The following NFX1 variants were observed in gnomAD, a reference collection of about 807,000 sequenced individuals.
NFX1 encodes nuclear transcription factor, X-box binding 1.
A neutral mutation model predicts 137.2 loss-of-function variants in NFX1; 69 were observed. The observed-to-expected ratio is 0.50, with a 90% CI of 0.41 to 0.61. The LOEUF is 0.61. Among genes scored for constraint, NFX1 ranks in the 20% least tolerant of loss-of-function variants. NFX1 has a pLI of 0.00. For missense variants in NFX1, 1,167 were observed against 1,391.0 expected (o/e 0.84, Z 2.56); for synonymous variants, 495 against 474.1 (o/e 1.04, Z -0.57).
chr9:33,344,011 G>A, intron 13 of NFX1, 58 bp from the exon 14 acceptor site: 1 of 1,609,212 alleles, frequency 6.2e-7, no homozygotes, highest in African/African-American at 1.3e-5. Context: ...GTGTTAGTAT[G>A]TACTTGCACA....
chr9:33,365,359 G>T (rs1043052725), intron 21 of NFX1: 1 of 152,124 alleles, frequency 6.6e-6, no homozygotes, highest in Admixed American at 6.6e-5. Context: ...TAATCCCAGC[G>T]CTTTGGGAGG....
At chr9:33,322,678 GCTA>G (rs1395056383) in intron 9 of NFX1, among the ~76,000 whole-genome samples, 4 of 152,140 alleles carry the variant, frequency 2.6e-5, no homozygotes, top group Non-Finnish European at 4.4e-5. Flanking sequence ...AAGGCAAGAG[GCTA>G]CTATCCCACC....
chr9:33,350,046 G>A (rs994879309), intron 15 of NFX1, among the ~76,000 whole-genome samples: 13 of 152,102 alleles, frequency 8.5e-5, no homozygotes, highest in South Asian at 4.1e-4. Context: ...TCTCATGCCT[G>A]TAATCCCAAC....
intron 10 of NFX1, among the ~76,000 whole-genome samples, chr9:33,329,318 A>G (rs1467958049): frequency 6.6e-6 from 1 of 152,192 alleles, no homozygotes; most frequent in East Asian, 1.9e-4. Flanking sequence ...CTATTGTGCA[A>G]TCATAGTTGA....
chr9:33,329,366 G>A (rs1056258758), intron 10 of NFX1, among the ~76,000 whole-genome samples: 4 of 152,086 alleles, frequency 2.6e-5, no homozygotes, highest in African/African-American at 4.8e-5. Context: ...AGTCTCTCCC[G>A]AGGTGTACCG....
intron 21 of NFX1, 64 bp downstream of exon 21, chr9:33,364,838 A>G (rs770476536): frequency 5.7e-6 from 9 of 1,592,040 alleles, no homozygotes; most frequent in African/African-American, 5.4e-5. Context: ...AAAAAAAGCA[A>G]TCAAGTCCTG....
At position 33,294,879 on chromosome 9, in the gene NFX1, A is replaced by T. The variant is rs2118165518; in HGVS notation, c.485A>T (p.Asp162Val). ...AGTGAGAAGGAAGTTGTGGGTGCAG[A>T]TCCCAGGGGAGCAAAACCCAAAAAA... is the stretch of plus-strand genomic sequence containing the variant. ...SESEKEVVGA[D>V]PRGAKPKKAT... is the part of the protein sequence containing the mutation. The change falls in exon 2 of 24, where the codon GAT (aspartate) becomes GTT (valine). Residue 162 changes from aspartate to valine, a missense_variant. Physicochemically the swap from Asp to Val is radical, Grantham distance 152. This residue lies in a region of NFX1 where 367 missense variants were observed against 386.7 expected (regional missense o/e 0.95). Coordinates refer to ENST00000379540, the MANE Select transcript of NFX1 (RefSeq NM_002504.6). The T allele has an allele frequency of 1.9e-6, 3 of 1,614,146 alleles. No homozygotes were observed. The highest frequency in any genetic ancestry group is 2.5e-6 in the Non-Finnish European group (3 of 1,180,022).
intron 2 of NFX1, among the ~76,000 whole-genome samples, chr9:33,299,552 G>C (rs1452544003): frequency 6.6e-6 from 1 of 152,144 alleles, no homozygotes; most frequent in Non-Finnish European, 1.5e-5. Context: ...GCCAGGTATA[G>C]TGGCACACGC....
chr9:33,318,833 A>T lies in NFX1; in HGVS notation c.1688+3A>T. The T allele has an allele frequency of 1.2e-6, 2 of 1,614,196 alleles. No individual in the cohort carries two copies. Among genetic ancestry groups the T allele is most frequent in the Non-Finnish European group, 1.7e-6 (2 of 1,180,018 alleles). On this transcript the variant is annotated splice_donor_region_variant and intron_variant, in intron 8 of 23. Coordinates refer to ENST00000379540, the MANE Select transcript of NFX1 (RefSeq NM_002504.6). ...AGCTGTTTAAAGATATGTGGCAAGT[A>T]AGGTTTTACGTTTTCTTCAGTTGAA...
Position 33,307,283 on chromosome 9 carries a change from CCACATTCCT to C in NFX1, c.1361_1369del (p.Pro454_Cys457delinsArg). 2 of 1,613,826 alleles carry C rather than the reference CCACATTCCT, an allele frequency of 1.2e-6. No homozygotes were observed. The highest frequency in any genetic ancestry group is 1.7e-6 in the Non-Finnish European group (2 of 1,179,774). On this transcript the variant is annotated inframe_deletion, in exon 5 of 24. Coordinates refer to ENST00000379540, the MANE Select transcript of NFX1 (RefSeq NM_002504.6). ...AAAGAAACAGCCTGGCCAGGACTGCCCACATTCCTGTAACCTGTAAGTTGGAATGCTAAT... is the reference window on the plus strand; with the variant it reads ...AAAGAAACAGCCTGGCCAGGACTGCCGTAACCTGTAAGTTGGAATGCTAAT...
At chr9:33,301,686 T>G (rs998872820) in intron 3 of NFX1, among the ~76,000 whole-genome samples, 5 of 152,224 alleles carry the variant, frequency 3.3e-5, no homozygotes, top group Admixed American at 6.5e-5. Flanking sequence ...ACTTATTATT[T>G]TTTCTTTGAC....
intron 7 of NFX1, among the ~76,000 whole-genome samples, chr9:33,317,445 A>G (rs909873439): frequency 6.7e-6 from 1 of 149,112 alleles, no homozygotes. Context: ...AGAAAGAAAG[A>G]AAAGAAAAGA....
chr9:33,332,344 G>T, intron 10 of NFX1, 128 bp from the exon 11 acceptor site: 1 of 843,014 alleles, frequency 1.2e-6, no homozygotes, highest in Non-Finnish European at 1.8e-6. Context: ...AAGTGAAGTT[G>T]GTGAATAAGT....
intron 9 of NFX1, among the ~76,000 whole-genome samples, chr9:33,327,927 A>G (rs561075133): frequency 6.6e-6 from 1 of 152,328 alleles, no homozygotes; most frequent in South Asian, 2.1e-4. Context: ...GCATTCCACT[A>G]AAGTCATCCA....
intron 19 of NFX1, among the ~76,000 whole-genome samples, chr9:33,356,424 A>G (rs758709335): frequency 6.6e-6 from 1 of 151,702 alleles, no homozygotes; most frequent in Non-Finnish European, 1.5e-5. Context: ...CTGTACCTTC[A>G]TTTTTTACTC....
chr9:33,364,987 C>T, intron 21 of NFX1: 3 of 1,369,068 alleles, frequency 2.2e-6, no homozygotes, highest in Non-Finnish European at 2.8e-6. Context: ...AAAAGATCTA[C>T]AGTCGGCTGG....
At chr9:33,336,783 T>A (rs896692320) in intron 11 of NFX1, among the ~76,000 whole-genome samples, 10 of 152,148 alleles carry the variant, frequency 6.6e-5, no homozygotes, top group Admixed American at 6.5e-4. Flanking sequence ...AACTTTTAAT[T>A]AAGTTTTAAA....
At chr9:33,349,507 G>A (rs965473772) in intron 15 of NFX1, among the ~76,000 whole-genome samples, 1 of 152,156 alleles carries the variant, frequency 6.6e-6, no homozygotes, top group African/African-American at 2.4e-5. Flanking sequence ...TGGGAAATAT[G>A]TATGTCCTAG....
At chr9:33,333,654 G>A (rs1365960070) in intron 11 of NFX1, among the ~76,000 whole-genome samples, 2 of 152,186 alleles carry the variant, frequency 1.3e-5, no homozygotes, top group Non-Finnish European at 2.9e-5. Flanking sequence ...ACCATGGTGG[G>A]TAAAGGTACA....
Sources: allele counts gnomAD v4.1 joint callset (sites outside exome capture counted in the v4.1 genomes callset), GRCh38; gene constraint gnomAD v4.1.1; regional missense constraint gnomAD v4.1.1; transcripts MANE v1.5; gene names NCBI Gene and HGNC (gene_info 2026-07-23, HGNC 2026-07-21).